The following GAB2 variants were observed in gnomAD, a reference collection of about 807,000 sequenced individuals.
The protein encoded by GAB2 is GRB2-associated-binding protein 2.
GAB2 carries 26 observed loss-of-function variants against 65.5 expected under a neutral mutation model. The ratio of observed to expected loss-of-function variants is 0.40; its 90% CI spans 0.29 to 0.55. GAB2 has a LOEUF of 0.55. GAB2 is among the 20% of genes least tolerant of loss of function. The pLI, the probability that GAB2 is intolerant of heterozygous loss-of-function variation, is 0.53. For synonymous variants in GAB2, 321 were observed against 329.6 expected, an observed-to-expected ratio of 0.97 and a Z score of 0.28; for missense variants, 884 against 875.8, an observed-to-expected ratio of 1.01 and a Z score of -0.12.
chr11:78,256,559 C>T (rs145391337), intron 2 of GAB2, among the ~76,000 whole-genome samples: 30 of 152,286 alleles, frequency 2.0e-4, no homozygotes, highest in African/African-American at 6.3e-4. Context: ...ATGCACGGGA[C>T]AGAAGTCAAG....
At position 78,360,312 on chromosome 11, in the gene GAB2, T is replaced by C. The variant is rs1476672782; in HGVS notation, c.75+57334A>G. 2.0e-5 allele frequency among the ~76,000 whole-genome samples: 3 copies of C among 151,454 alleles called. No homozygotes were observed. In the East Asian group the frequency reaches 5.8e-4, roughly 29 times the overall value. On this transcript the variant is annotated intron_variant, in intron 1 of 9. Transcript: ENST00000361507. The stretch of plus-strand genomic sequence containing the variant: ...GGCCTGGCATGATAGCTCAAGCCTG[T>C]GATCCTAGCATTTTGGGAGGCCAAA...
chr11:78,335,738 C>T lies in GAB2; in HGVS notation c.76-54837G>A, dbSNP rs540449340. Among the ~76,000 whole-genome samples the T allele has an allele frequency of 4.6e-5, 7 of 152,126 alleles. No individual in the cohort carries two copies. In the South Asian group the frequency reaches 8.3e-4, roughly 18 times the overall value. On this transcript the variant is annotated intron_variant, in intron 1 of 9. Transcript: ENST00000361507. ...GGTTATTCTGGGTCTTTTGTGATTC[C>T]ATATAAATTTTAGAATTGTTCTATT...
intron 1 of GAB2, among the ~76,000 whole-genome samples, chr11:78,413,831 G>A (rs1157344455): frequency 6.6e-6 from 1 of 152,168 alleles, no homozygotes; most frequent in Non-Finnish European, 1.5e-5. Context: ...ATGTCTGTCT[G>A]TAATCCCAGC....
rs1161111527 is a variant in GAB2, at chr11:78,215,886, T to G, written c.*3386A>C. ...ATGGGATAGGGGTGCTGGGCCGAGA[T>G]GTCCCCATGGGAGAAGGGGCCAGAG... is the stretch of plus-strand genomic sequence containing the variant. On this transcript the variant is annotated 3_prime_UTR_variant, in exon 10 of 10. Coordinates refer to ENST00000361507, the MANE Select transcript of GAB2 (RefSeq NM_080491.3). 1 of 152,684 alleles carries G rather than the reference T, an allele frequency of 6.5e-6. No homozygotes were observed. Among genetic ancestry groups the G allele is most frequent in the African/African-American group, 2.4e-5 (1 of 41,446 alleles). The allele number at this position is 152,684 out of a possible 1,614,324, so 9.5% of individuals were successfully genotyped here. A position where few individuals can be genotyped will look rare whatever the true frequency, so the allele number is the denominator to read the frequency against.
chr11:78,303,612 G>A (rs1448070813), intron 1 of GAB2, among the ~76,000 whole-genome samples: 1 of 152,076 alleles, frequency 6.6e-6, no homozygotes, highest in African/African-American at 2.4e-5. Context: ...CTCCAACTTT[G>A]TTCTTTTTCA....
At chr11:78,340,763 TACCTCACA>T (rs1193885856) in intron 1 of GAB2, among the ~76,000 whole-genome samples, 15 of 152,188 alleles carry the variant, frequency 9.9e-5, no homozygotes, top group Admixed American at 7.9e-4. Flanking sequence ...TTCTCATCTG[TACCTCACA>T]ACCTCACAAC....
At chr11:78,410,504 A>C (rs533087730) in intron 1 of GAB2, among the ~76,000 whole-genome samples, 1 of 152,368 alleles carries the variant, frequency 6.6e-6, no homozygotes, top group South Asian at 2.1e-4. Flanking sequence ...ATGCTGTCTC[A>C]AAAAACAAAC....
At chr11:78,360,071 G>C (rs984282757) in intron 1 of GAB2, among the ~76,000 whole-genome samples, 3 of 152,102 alleles carry the variant, frequency 2.0e-5, no homozygotes, top group Non-Finnish European at 2.9e-5. Context: ...GTGTGACCAT[G>C]GGCAGAGATT....
At chr11:78,294,788 A>G (rs569333697) in intron 1 of GAB2, among the ~76,000 whole-genome samples, 5 of 152,328 alleles carry the variant, frequency 3.3e-5, no homozygotes, top group African/African-American at 1.2e-4. Context: ...TAAAAACCCC[A>G]GAAGAAAACC....
intron 1 of GAB2, among the ~76,000 whole-genome samples, chr11:78,282,924 C>T (rs886320042): frequency 2.0e-5 from 3 of 152,164 alleles, no homozygotes; most frequent in African/African-American, 7.2e-5. Context: ...GCTTCTTTCT[C>T]CATTCCTCTT....
At chr11:78,391,888 T>C (rs1178883041) in intron 1 of GAB2, among the ~76,000 whole-genome samples, 2 of 152,134 alleles carry the variant, frequency 1.3e-5, no homozygotes, top group African/African-American at 4.8e-5. Flanking sequence ...AGATGTATCG[T>C]GAAGCCAAAG....
intron 1 of GAB2, among the ~76,000 whole-genome samples, chr11:78,328,092 C>CA (rs1228612694): frequency 6.6e-6 from 1 of 152,128 alleles, no homozygotes; most frequent in African/African-American, 2.4e-5. Flanking sequence ...CTATTACCCT[C>CA]ACCTGCAGAC....
In GAB2 at chr11:78,292,003, G is replaced by GGT. The variant is rs71877307; in HGVS notation, c.76-11104_76-11103dup. ...GGAGCTTCACTAAGAGGTGTGTAGG[G>GGT]GTGTGTGTGTGTGTGTGTGTGTGTG... On this transcript the variant is annotated intron_variant, in intron 1 of 9. Coordinates refer to ENST00000361507, the MANE Select transcript of GAB2 (RefSeq NM_080491.3). Among the ~76,000 whole-genome samples, 784 of 147,872 alleles carry GGT rather than the reference G, an allele frequency of 5.3e-3. 5 individuals carry two copies. Among genetic ancestry groups the GGT allele is most frequent in the African/African-American group, 0.018 (706 of 39,816 alleles).
chr11:78,352,475 G>T (rs1856294388), intron 1 of GAB2, among the ~76,000 whole-genome samples: 1 of 152,228 alleles, frequency 6.6e-6, no homozygotes, highest in Non-Finnish European at 1.5e-5. Flanking sequence ...GTGATAAGCT[G>T]AAAGGATGCA....
intron 1 of GAB2, among the ~76,000 whole-genome samples, chr11:78,335,815 A>T (rs1420788901): frequency 1.1e-4 from 17 of 152,120 alleles, no homozygotes. Context: ...GAATCTATAG[A>T]TTTGGGTAGT....
intron 1 of GAB2, among the ~76,000 whole-genome samples, chr11:78,370,712 C>CGTGTGCGTGTGT (rs386755269): frequency 1.6e-5 from 2 of 123,220 alleles, no homozygotes; most frequent in Admixed American, 1.7e-4. Flanking sequence ...TGTGTGTGTG[C>CGTGTGCGTGTGT]GTGTGTGTGT....
At chr11:78,261,077 A>ATGTG (rs113856546) in intron 2 of GAB2, among the ~76,000 whole-genome samples, 4,236 of 151,702 alleles carry the variant, frequency 0.028, 186 homozygotes, top group African/African-American at 0.09. Context: ...GTATATATAT[A>ATGTG]TGTGTGTGTG....
chr11:78,221,319 G>A (rs1471739750), intron 8 of GAB2, among the ~76,000 whole-genome samples: 1 of 152,160 alleles, frequency 6.6e-6, no homozygotes, highest in African/African-American at 2.4e-5. Context: ...AGTGAGTTAT[G>A]TGCACGTATG....
At chr11:78,255,269 A>T (rs921172109) in intron 2 of GAB2, among the ~76,000 whole-genome samples, 14 of 152,152 alleles carry the variant, frequency 9.2e-5, no homozygotes, top group Non-Finnish European at 2.9e-5. Context: ...GAGCACCCAG[A>T]AGGAACCAAT....
Sources: gnomAD v4.1 joint callset for allele counts (sites outside exome capture counted in the v4.1 genomes callset) on GRCh38, gnomAD v4.1.1 for gene constraint, MANE v1.5 for transcripts, NCBI Gene and HGNC (gene_info 2026-07-23, HGNC 2026-07-21) for gene names.